The following POLD3 variants were observed in gnomAD, a reference collection of about 807,000 sequenced individuals.
The protein encoded by POLD3 is DNA polymerase delta 3, accessory subunit.
A neutral mutation model predicts 58.2 loss-of-function variants in POLD3; 19 were observed. The ratio of observed to expected loss-of-function variants is 0.33; its 90% CI spans 0.23 to 0.48. The LOEUF is 0.48. Among genes scored for constraint, POLD3 ranks in the 20% least tolerant of loss-of-function variants. The pLI, the probability that POLD3 is intolerant of heterozygous loss-of-function variation, is 0.99. For synonymous variants in POLD3, 172 were observed against 193.5 expected, an observed-to-expected ratio of 0.89 and a Z score of 0.92; for missense variants, 504 against 545.5, an observed-to-expected ratio of 0.92 and a Z score of 0.76.
intron 2 of POLD3, among the ~76,000 whole-genome samples, chr11:74,597,337 G>T (rs1037132891): frequency 3.3e-5 from 5 of 152,144 alleles, no homozygotes; most frequent in African/African-American, 1.2e-4. Flanking sequence ...ATTTACTCCT[G>T]TGCTTTTTTC....
At chr11:74,622,821 A>C (rs1362687993) in intron 7 of POLD3, among the ~76,000 whole-genome samples, 1 of 150,602 alleles carries the variant, frequency 6.6e-6, no homozygotes, top group Non-Finnish European at 1.5e-5. Flanking sequence ...TTTACCCAGC[A>C]GTTCCTCTCC....
At chr11:74,650,778 C>T (rs1243730705) in intron 4 of POLD3, among the ~76,000 whole-genome samples, 2 of 152,174 alleles carry the variant, frequency 1.3e-5, no homozygotes, top group Non-Finnish European at 2.9e-5. Context: ...TGTGAAGTTT[C>T]AAGGCAGCAG....
In POLD3 at chr11:74,642,003, T is replaced by G; in HGVS notation, c.*1237T>G. 2 of 985,466 alleles carry G rather than the reference T, an allele frequency of 2.0e-6. No homozygotes were observed. The highest frequency in any genetic ancestry group is 1.2e-6 in the Non-Finnish European group (1 of 829,938). 61.0% of individuals were successfully genotyped at this position (985,466 alleles called of 1,614,324 possible). A position where few individuals can be genotyped will look rare whatever the true frequency, so the allele number is the denominator to read the frequency against. ...TCAGTGGATTGCAGTGGTGTGCTGGTGATTTTGCACAGTGAGCTCTGCGGA... is the reference window on the plus strand; with the variant it reads ...TCAGTGGATTGCAGTGGTGTGCTGGGGATTTTGCACAGTGAGCTCTGCGGA... On this transcript the variant is annotated 3_prime_UTR_variant, in exon 12 of 12. Transcript: ENST00000263681.
rs1349270514 is a variant in POLD3 at position 74,625,389 on chromosome 11, T to A, written c.734-19T>A. On this transcript the variant is annotated intron_variant, in intron 7 of 11. Transcript: ENST00000263681. ...TTGCATGATGGGGTCATATGTCGTC[T>A]GCTATACTTTATTTATAGATAAATT... 6.3e-7 allele frequency: 1 copy of A among 1,583,930 alleles called. No individual in the cohort carries two copies. The highest frequency in any genetic ancestry group is 1.1e-5 in the South Asian group (1 of 87,874).
chr11:74,667,262 G>T (rs1020977264), intron 4 of POLD3, among the ~76,000 whole-genome samples: 1 of 152,220 alleles, frequency 6.6e-6, no homozygotes, highest in East Asian at 1.9e-4. Flanking sequence ...AGGGCCCGGC[G>T]TGGTGGCTCA....
At chr11:74,625,325 T>G in intron 7 of POLD3, 83 bp from the exon 8 acceptor site, 1 of 1,127,926 alleles carries the variant, frequency 8.9e-7, no homozygotes, top group Non-Finnish European at 1.3e-6. Context: ...ACATATTACC[T>G]GGCACATGGT....
At chr11:74,647,182 A>G (rs1054802952), downstream of POLD3, among the ~76,000 whole-genome samples, 2 of 152,200 alleles carry the variant, frequency 1.3e-5, no homozygotes, top group Non-Finnish European at 2.9e-5. Flanking sequence ...CTGTGCAGCT[A>G]GGTTTCTAGC....
chr11:74,597,679 T>A (rs190694146), intron 2 of POLD3, among the ~76,000 whole-genome samples: 40 of 152,324 alleles, frequency 2.6e-4, no homozygotes, highest in Admixed American at 2.4e-3. Context: ...CAGGCTGGTC[T>A]CGAACTCCCA....
At chr11:74,615,723 C>G (rs573935643) in intron 5 of POLD3, among the ~76,000 whole-genome samples, 1 of 152,164 alleles carries the variant, frequency 6.6e-6, no homozygotes, top group South Asian at 2.1e-4. Flanking sequence ...GGTGGTATGA[C>G]TGATAAAGAT....
chr11:74,640,734 G>T lies in POLD3; in HGVS notation c.1369G>T (p.Val457Leu), dbSNP rs201676741. 2 of 1,606,568 alleles carry T rather than the reference G, an allele frequency of 1.2e-6. No homozygotes were observed. The highest frequency in any genetic ancestry group is 2.2e-5 in the East Asian group (1 of 44,724). The change falls in exon 12 of 12, where the codon GTG (valine) becomes TTG (leucine). Residue 457 changes from valine to leucine, a missense_variant. Physicochemically the swap from Val to Leu is conservative, Grantham distance 32 (BLOSUM62 1). This residue lies in a region of POLD3 where 385 missense variants were observed against 370.5 expected (regional missense o/e 1.04). Coordinates refer to ENST00000263681, the MANE Select transcript of POLD3 (RefSeq NM_006591.3). Reference protein sequence around the residue: ...TAALGKANRQVSITGFFQRK With the variant: ...TAALGKANRQLSITGFFQRK ...TGCTCTGGGCAAAGCCAACAGACAG[G>T]TGTCCATTACTGGCTTCTTCCAGAG...
chr11:74,644,796 T>C (rs2032979364), downstream of POLD3, among the ~76,000 whole-genome samples: 1 of 152,244 alleles, frequency 6.6e-6, no homozygotes, highest in Admixed American at 6.5e-5. Flanking sequence ...TCCCTGTACC[T>C]ACTTTCTTAA....
At chr11:74,645,923 GC>G (rs2032993216), downstream of POLD3, among the ~76,000 whole-genome samples, 1 of 151,186 alleles carries the variant, frequency 6.6e-6, no homozygotes, top group South Asian at 2.1e-4. Flanking sequence ...CTTCCATACC[GC>G]CCAGTGATGA....
chr11:74,595,904 A>G (rs1249440909), intron 2 of POLD3, among the ~76,000 whole-genome samples: 1 of 152,138 alleles, frequency 6.6e-6, no homozygotes, highest in African/African-American at 2.4e-5. Context: ...GATTACAGAC[A>G]TAAGCCACCA....
chr11:74,625,627 T>A (rs768213099), intron 8 of POLD3, 54 bp downstream of exon 8: 9 of 1,468,052 alleles, frequency 6.1e-6, no homozygotes, highest in Non-Finnish European at 8.4e-6. Context: ...GGTGAGAAGG[T>A]CTCTTTGGGC....
At chr11:74,650,173 G>T in intron 4 of POLD3, among the ~76,000 whole-genome samples, 1 of 152,196 alleles carries the variant, frequency 6.6e-6, no homozygotes, top group East Asian at 1.9e-4. Flanking sequence ...TTACCTGTGT[G>T]AGAAAAATGA....
downstream of POLD3, among the ~76,000 whole-genome samples, chr11:74,644,097 G>A (rs2032970301): frequency 6.6e-6 from 1 of 152,196 alleles, no homozygotes; most frequent in South Asian, 2.1e-4. Context: ...GGCAGAGGGG[G>A]CTGGTAAACG....
Position 74,640,880 on chromosome 11 carries a change from G to C in POLD3, c.*114G>C. ...GATCTCCACCTCACCTGTATCAAAA[G>C]ACTGTTCTTTCATCCTGTGAGGTTT... On this transcript the variant is annotated 3_prime_UTR_variant, in exon 12 of 12. Coordinates refer to ENST00000263681, the MANE Select transcript of POLD3 (RefSeq NM_006591.3). The C allele has an allele frequency of 7.4e-7, 1 of 1,347,234 alleles. No homozygotes were observed. The highest frequency in any genetic ancestry group is 9.5e-7 in the Non-Finnish European group (1 of 1,047,850). 83.5% of individuals were successfully genotyped at this position (1,347,234 alleles called of 1,614,324 possible).
chr11:74,608,677 A>G (rs2031780520), intron 3 of POLD3, among the ~76,000 whole-genome samples: 1 of 152,154 alleles, frequency 6.6e-6, no homozygotes, highest in Non-Finnish European at 1.5e-5. Flanking sequence ...GGCAGTATAT[A>G]GCCACACGGA....
At chr11:74,613,239 C>T (rs2135140496) in intron 5 of POLD3, among the ~76,000 whole-genome samples, 1 of 152,076 alleles carries the variant, frequency 6.6e-6, no homozygotes, top group Non-Finnish European at 1.5e-5. Context: ...ATGTATTTAT[C>T]CTGTCACTGC....
Sources: allele counts gnomAD v4.1 joint callset (sites outside exome capture counted in the v4.1 genomes callset), GRCh38; gene constraint gnomAD v4.1.1; regional missense constraint gnomAD v4.1.1; transcripts MANE v1.5; gene names NCBI Gene and HGNC (gene_info 2026-07-23, HGNC 2026-07-21).